The following MATN2 variants were observed in gnomAD, a reference collection of about 807,000 sequenced individuals.
MATN2 encodes the protein matrilin-2.
MATN2 carries 69 observed loss-of-function variants against 103.2 expected under a neutral mutation model. That is an observed-to-expected ratio of 0.67 (90% CI 0.55 to 0.82). The LOEUF (loss-of-function observed/expected upper bound fraction) is 0.82. Ranked by LOEUF, MATN2 falls within the 40% of genes least tolerant of loss-of-function variation. The probability of loss-of-function intolerance (pLI) is 0.00; values close to 1 mark genes in which losing one functional copy is unlikely to be tolerated. For synonymous variants in MATN2, 429 were observed against 450.2 expected (o/e 0.95, Z 0.60); for missense variants, 1,023 against 1,211.5 (o/e 0.84, Z 2.31).
At chr8:97,956,782 G>A (rs1811160246) in intron 4 of MATN2, among the ~76,000 whole-genome samples, 1 of 152,154 alleles carries the variant, frequency 6.6e-6, no homozygotes, top group Non-Finnish European at 1.5e-5. Context: ...CTCTTGCTGA[G>A]GATGAGGAGA....
intron 1 of MATN2, among the ~76,000 whole-genome samples, chr8:97,884,900 T>A (rs1818375539): frequency 6.6e-6 from 1 of 152,196 alleles, no homozygotes; most frequent in Non-Finnish European, 1.5e-5. Flanking sequence ...TATATAACAA[T>A]TAGGTCTACT....
At chr8:97,885,357 G>A (rs1222859287) in intron 1 of MATN2, among the ~76,000 whole-genome samples, 2 of 152,218 alleles carry the variant, frequency 1.3e-5, no homozygotes, top group Non-Finnish European at 2.9e-5. Context: ...GTGCACACCT[G>A]TAGTCCCAGC....
intron 4 of MATN2, among the ~76,000 whole-genome samples, chr8:97,959,989 G>T (rs1039820879): frequency 6.6e-6 from 1 of 151,950 alleles, no homozygotes; most frequent in African/African-American, 2.4e-5. Context: ...TTGTTCTGTC[G>T]CCCAGGCTGG....
rs374969831 is a variant in MATN2 at position 97,931,377 on chromosome 8, C to T, written c.567C>T (p.Ile189=). The change falls in exon 3 of 19, where the codon ATC becomes ATT. Residue 189 remains isoleucine (I), a synonymous_variant. Transcript: ENST00000254898. The surrounding 1 kb of genome is among the most constrained non-coding windows in gnomAD (Gnocchi z 4.1). The stretch of plus-strand genomic sequence containing the variant: ...CTGCTAAGGCACGGGACACGGGCAT[C>T]CTAATCTTTGCCATTGGTGTGGGCC... ...EVAAKARDTG[I]LIFAIGVGQV... 163 of 1,613,858 alleles carry T rather than the reference C, an allele frequency of 1.0e-4. 1 individual carries two copies. The African/African-American group carries it at 1.6e-3, about 16-fold the overall frequency.
At chr8:97,996,713 A>G (rs1586137490) in intron 7 of MATN2, among the ~76,000 whole-genome samples, 2 of 152,256 alleles carry the variant, frequency 1.3e-5, no homozygotes, top group South Asian at 4.2e-4. Flanking sequence ...GACAGCTGTA[A>G]ACGGAAGCGA....
At chr8:97,946,773 G>A (rs1810765239) in intron 4 of MATN2, among the ~76,000 whole-genome samples, 1 of 152,018 alleles carries the variant, frequency 6.6e-6, no homozygotes, top group Non-Finnish European at 1.5e-5. Context: ...TCTCAAGAAC[G>A]ATACCAAATG....
intron 5 of MATN2, among the ~76,000 whole-genome samples, chr8:97,976,128 C>CT (rs34975103): frequency 0.15 from 21,394 of 146,590 alleles, 1,881 homozygotes; most frequent in Admixed American, 0.26. Context: ...TAGACTGAAA[C>CT]TTTTTTTTTT....
chr8:98,032,388 T>A (rs1814065056), intron 16 of MATN2, 71 bp downstream of exon 16: 2 of 1,144,174 alleles, frequency 1.7e-6, no homozygotes, highest in South Asian at 2.7e-5. Flanking sequence ...AGATAAAAGC[T>A]GTAAAGAAGT....
At chr8:97,889,722 C>T (rs1818567470) in intron 2 of MATN2, among the ~76,000 whole-genome samples, 1 of 152,018 alleles carries the variant, frequency 6.6e-6, no homozygotes, top group Non-Finnish European at 1.5e-5. Context: ...GGATTACAGA[C>T]ATGAGCCACT....
At chr8:97,961,811 G>T (rs1243437333) in intron 5 of MATN2, among the ~76,000 whole-genome samples, 2 of 152,200 alleles carry the variant, frequency 1.3e-5, no homozygotes, top group African/African-American at 4.8e-5. Flanking sequence ...AAAAGGATCG[G>T]GTGGATTTTC....
At chr8:97,883,284 CAAA>C (rs149466404) in intron 1 of MATN2, among the ~76,000 whole-genome samples, 143 of 115,154 alleles carry the variant, frequency 1.2e-3, no homozygotes, top group East Asian at 1.6e-3. Flanking sequence ...GACTCTGTCT[CAAA>C]AAAAAAAAAA....
At chr8:98,025,862 G>T in intron 13 of MATN2, 2 of 337,392 alleles carry the variant, frequency 5.9e-6, no homozygotes, top group Admixed American at 4.1e-5. Context: ...TTTTATTTCT[G>T]CTTACTATCG....
intron 2 of MATN2, among the ~76,000 whole-genome samples, chr8:97,913,650 T>C (rs1409936815): frequency 6.8e-6 from 1 of 148,016 alleles, no homozygotes. Flanking sequence ...AGTCTCACTG[T>C]GTCGCCCAGG....
Position 98,032,242 on chromosome 8 carries a change from T to C in MATN2, c.2510-4T>C, listed in dbSNP as rs1814054278. On this transcript the variant is annotated splice_polypyrimidine_tract_variant and splice_region_variant and intron_variant, in intron 15 of 18. Transcript: ENST00000254898. ...ACTTCTTTTGGTCATCTTTTTCTGC[T>C]CAGCTCTAGAAGACTCCGATGGAAG... The C allele has an allele frequency of 3.7e-6, 6 of 1,608,112 alleles. No individual in the cohort carries two copies. Among genetic ancestry groups the C allele is most frequent in the Non-Finnish European group, 5.1e-6 (6 of 1,177,198 alleles).
chr8:98,031,238 T>C (rs1158434166), intron 15 of MATN2, among the ~76,000 whole-genome samples: 4 of 151,898 alleles, frequency 2.6e-5, no homozygotes, highest in Non-Finnish European at 2.9e-5. Context: ...CTTGGGAGAC[T>C]GAGCGGGGAG....
rs771038138 is a variant in MATN2 at position 97,961,392 on chromosome 8, C to T, written c.836-16C>T. The T allele has an allele frequency of 2.1e-5, 34 of 1,605,406 alleles. No individual in the cohort carries two copies. Among genetic ancestry groups the T allele is most frequent in the Middle Eastern group, 3.3e-4 (2 of 6,044 alleles). ...TGTGCCTGACGTTGTGTTCTAACAT[C>T]GTGACTTTGCCTCAGTCCAGGATCT... On this transcript the variant is annotated splice_polypyrimidine_tract_variant and intron_variant, in intron 4 of 18. Coordinates refer to ENST00000254898, the MANE Select transcript of MATN2 (RefSeq NM_002380.5).
At chr8:98,012,493 G>A (rs1365926163) in intron 10 of MATN2, among the ~76,000 whole-genome samples, 4 of 152,148 alleles carry the variant, frequency 2.6e-5, no homozygotes, top group South Asian at 2.1e-4. Context: ...CAGAGATGGA[G>A]GGGAAATGCT....
chr8:97,966,257 G>A (rs971019163), intron 5 of MATN2, among the ~76,000 whole-genome samples: 1 of 151,704 alleles, frequency 6.6e-6, no homozygotes, highest in Non-Finnish European at 1.5e-5. Context: ...TGATGGAATC[G>A]ATTTTCAAAA....
chr8:97,889,459 C>CTCTATATATATATATATATATA (rs1818554246), intron 2 of MATN2, among the ~76,000 whole-genome samples: 1 of 123,366 alleles, frequency 8.1e-6, no homozygotes, highest in African/African-American at 2.9e-5. Flanking sequence ...CTCTCTCTGT[C>CTCTATATATATATATATATATA]TATATATATA....
Sources: allele counts gnomAD v4.1 joint callset (sites outside exome capture counted in the v4.1 genomes callset), GRCh38; gene constraint gnomAD v4.1.1; non-coding constraint Gnocchi (gnomAD v3.1); transcripts MANE v1.5; gene names NCBI Gene and HGNC (gene_info 2026-07-23, HGNC 2026-07-21).